The following MLXIPL variants were observed in gnomAD, a reference collection of about 807,000 sequenced individuals.
MLXIPL encodes the protein carbohydrate-responsive element-binding protein.
In MLXIPL, 49 loss-of-function variants were observed where a neutral mutation model predicts 81.5. The ratio of observed to expected loss-of-function variants is 0.60; its 90% CI spans 0.48 to 0.76. The LOEUF is 0.76. Among genes scored for constraint, MLXIPL ranks in the 30% least tolerant of loss-of-function variants. The pLI, the probability that MLXIPL is intolerant of heterozygous loss-of-function variation, is 0.00. For synonymous variants in MLXIPL, 466 were observed against 485.5 expected (o/e 0.96, Z 0.53); for missense variants, 1,053 against 1,167.0 (o/e 0.90, Z 1.42).
chr7:73,599,343 G>A (rs1379715024), intron 8 of MLXIPL, among the ~76,000 whole-genome samples, 183 bp downstream of exon 8: 2 of 151,316 alleles, frequency 1.3e-5, no homozygotes, highest in Non-Finnish European at 2.9e-5. Flanking sequence ...TCCCACAACC[G>A]TTTTGTCCAG....
chr7:73,631,057 G>A, the MLXIPL span, among the ~76,000 whole-genome samples: 11 of 150,610 alleles, frequency 7.3e-5, no homozygotes, highest in Non-Finnish European at 1.6e-4. Flanking sequence ...CACCCAGGCT[G>A]GAGTGCAGTG....
At chr7:73,617,150 G>T (rs904742430) in intron 1 of MLXIPL, among the ~76,000 whole-genome samples, 4 of 152,050 alleles carry the variant, frequency 2.6e-5, no homozygotes, top group African/African-American at 9.7e-5. Context: ...CGAGTAGCTG[G>T]GATTACAGTT....
At chr7:73,635,970 CAG>C in the MLXIPL span, among the ~76,000 whole-genome samples, 19 of 152,308 alleles carry the variant, frequency 1.2e-4, no homozygotes, top group East Asian at 2.9e-3. Flanking sequence ...GCTCAGTATG[CAG>C]AGTGAGGCAT....
At chr7:73,605,121 A>G (rs1563491514) in intron 7 of MLXIPL, among the ~76,000 whole-genome samples, 1 of 152,122 alleles carries the variant, frequency 6.6e-6, no homozygotes, top group Non-Finnish European at 1.5e-5. Flanking sequence ...AAATAATTCA[A>G]AGTTCTTCTC....
At chr7:73,602,122 G>GCCTTCCTTCCTTCCTTCCTTCCTTCCTT (rs1419749580) in intron 7 of MLXIPL, among the ~76,000 whole-genome samples, 24 of 59,636 alleles carry the variant, frequency 4.0e-4, no homozygotes, top group East Asian at 7.1e-4. Flanking sequence ...CTGCCTGCCT[G>GCCTTCCTTCCTTCCTTCCTTCCTTCCTT]CCTGCCTGCC....
chr7:73,624,141 G>T, intron 1 of MLXIPL, 59 bp downstream of exon 1: 7 of 1,320,888 alleles, frequency 5.3e-6, no homozygotes, highest in South Asian at 1.4e-5. Flanking sequence ...TCCTGCCCCG[G>T]ACCCCCCCCC....
intron 7 of MLXIPL, among the ~76,000 whole-genome samples, chr7:73,600,293 G>A: frequency 6.7e-6 from 1 of 148,610 alleles, no homozygotes; most frequent in African/African-American, 2.5e-5. Context: ...CTCCGAGTGG[G>A]GTGGGGGCGA....
the MLXIPL span, among the ~76,000 whole-genome samples, chr7:73,631,258 CCTCGG>C: frequency 1.3e-5 from 2 of 151,836 alleles, no homozygotes; most frequent in Non-Finnish European, 2.9e-5. Context: ...GATCTGCCTG[CCTCGG>C]CTCGGCCTCC....
chr7:73,593,887 C>T lies in MLXIPL; in HGVS notation c.2537G>A (p.Gly846Asp). 1 of 1,614,064 alleles carries T rather than the reference C, an allele frequency of 6.2e-7. No homozygotes were observed. The highest frequency in any genetic ancestry group is 1.1e-5 in the South Asian group (1 of 91,084). Residue 846 changes from glycine (G) to aspartate (D), a missense_variant, in exon 17 of 17, where the codon GGC becomes GAC. Physicochemically the swap from Gly to Asp is moderately conservative, Grantham distance 94. Transcript: ENST00000313375. ...GGACTATAAAGGTTTGCCAAGGGTGCCCTCTGTGACTGCCCGTGTGGCTTG... is the reference window on the plus strand; with the variant it reads ...GGACTATAAAGGTTTGCCAAGGGTGTCCTCTGTGACTGCCCGTGTGGCTTG... ...PEQATRAVTE[G>D]TLGKPL
the MLXIPL span, among the ~76,000 whole-genome samples, chr7:73,632,727 TTTCA>T: frequency 1.9e-4 from 28 of 149,740 alleles, no homozygotes; most frequent in Non-Finnish European, 3.7e-4. Flanking sequence ...TTCCTTTCCC[TTTCA>T]TTCCTTCCTT....
chr7:73,613,856 G>T (rs1449937944), intron 2 of MLXIPL, among the ~76,000 whole-genome samples: 1 of 152,174 alleles, frequency 6.6e-6, no homozygotes, highest in Non-Finnish European at 1.5e-5. Flanking sequence ...TCTTCTGCAG[G>T]CTGGGTGTGG....
chr7:73,624,540 G>GAAC (rs1456880188), upstream of MLXIPL: 3 of 1,490,420 alleles, frequency 2.0e-6, no homozygotes, highest in Admixed American at 6.9e-5. Context: ...GCAGCGCGGG[G>GAAC]AACAGCTCTT....
At chr7:73,603,902 AGG>A (rs1204854249) in intron 7 of MLXIPL, among the ~76,000 whole-genome samples, 2 of 152,184 alleles carry the variant, frequency 1.3e-5, no homozygotes, top group African/African-American at 2.4e-5. Context: ...AGAGGGAGGC[AGG>A]GACACTCATG....
chr7:73,615,966 A>C, intron 2 of MLXIPL, 105 bp downstream of exon 2: 1 of 707,552 alleles, frequency 1.4e-6, no homozygotes, highest in Non-Finnish European at 2.5e-6. Flanking sequence ...GCTGGCCTTG[A>C]GGACCCCGGG....
At chr7:73,632,451 A>G in the MLXIPL span, among the ~76,000 whole-genome samples, 1 of 152,196 alleles carries the variant, frequency 6.6e-6, no homozygotes, top group Non-Finnish European at 1.5e-5. Flanking sequence ...GCACCCATAT[A>G]CATATATGAA....
intron 2 of MLXIPL, among the ~76,000 whole-genome samples, chr7:73,612,760 A>G (rs1262620768): frequency 6.6e-6 from 1 of 151,886 alleles, no homozygotes. Flanking sequence ...GGCTGTAACC[A>G]TGTGGCTTCC....
the MLXIPL span, among the ~76,000 whole-genome samples, chr7:73,634,511 A>G: frequency 6.6e-6 from 1 of 150,394 alleles, no homozygotes; most frequent in East Asian, 2.0e-4. Flanking sequence ...CCTGTCTCAG[A>G]CTCCCAAGTA....
intron 2 of MLXIPL, among the ~76,000 whole-genome samples, chr7:73,614,931 C>T (rs981796138): frequency 1.6e-4 from 25 of 151,708 alleles, no homozygotes; most frequent in Non-Finnish European, 3.1e-4. Flanking sequence ...CTGCCTCAGC[C>T]TGCCGAGTAG....
At chr7:73,604,586 A>G (rs1185408601) in intron 7 of MLXIPL, among the ~76,000 whole-genome samples, 2 of 152,058 alleles carry the variant, frequency 1.3e-5, no homozygotes, top group Admixed American at 1.3e-4. Flanking sequence ...AATAAATTAA[A>G]TTAAAATAAA....
Sources: allele counts gnomAD v4.1 joint callset (sites outside exome capture counted in the v4.1 genomes callset), GRCh38; gene constraint gnomAD v4.1.1; transcripts MANE v1.5; gene names NCBI Gene and HGNC (gene_info 2026-07-23, HGNC 2026-07-21).